MIA2: variants seen among roughly 807,000 people sequenced by gnomAD.
The protein encoded by MIA2 is MIA SH3 domain ER export factor 2.
MIA2 carries 127 observed loss-of-function variants against 167.8 expected under a neutral mutation model. The ratio of observed to expected loss-of-function variants is 0.76; its 90% confidence interval spans 0.66 to 0.88. The LOEUF is 0.88. Ranked by LOEUF, MIA2 falls within the 40% of genes least tolerant of loss-of-function variation. MIA2 has a pLI of 0.00. For missense variants in MIA2, 1,690 were observed against 1,624.7 expected (o/e 1.04, Z -0.69); for synonymous variants, 552 against 541.9 (o/e 1.02, Z -0.26).
At position 39,247,336 on chromosome 14, in the gene MIA2, A is replaced by C. The variant is rs752532321; in HGVS notation, c.762A>C (p.Arg254Ser). ...EPVQESSFRS[R>S]KIAVEDENDL... Reference sequence around the variant, plus strand: ...TACAAGAAAGCTCATTTCGGAGTAGAAAAATAGCAGTGGAAGATGAGAATG... The same window carrying C: ...TACAAGAAAGCTCATTTCGGAGTAGCAAAATAGCAGTGGAAGATGAGAATG... Residue 254 changes from arginine (R) to serine (S), a missense_variant, in exon 4 of 29, where the codon AGA (arginine) becomes AGC (serine). Coordinates refer to ENST00000640607, the MANE Select transcript of MIA2 (RefSeq NM_001329214.4). 5.0e-6 allele frequency: 8 copies of C among 1,614,026 alleles called. No individual in the cohort carries two copies. The Admixed American group carries it at 8.3e-5, about 17-fold the overall frequency.
At chr14:39,261,750 G>A (rs940778329) in intron 6 of MIA2, among the ~76,000 whole-genome samples, 3 of 152,254 alleles carry the variant, frequency 2.0e-5, no homozygotes, top group African/African-American at 7.2e-5. Flanking sequence ...GTGATGATGA[G>A]CATTTTTTCA....
chr14:39,346,401 A>G (rs1042419219), intron 26 of MIA2, among the ~76,000 whole-genome samples: 1 of 152,192 alleles, frequency 6.6e-6, no homozygotes, highest in Non-Finnish European at 1.5e-5. Context: ...AACAATTTAG[A>G]TGCATGCTCT....
At chr14:39,310,662 A>G (rs1004323078) in intron 18 of MIA2, among the ~76,000 whole-genome samples, 5 of 152,202 alleles carry the variant, frequency 3.3e-5, no homozygotes, top group African/African-American at 4.8e-5. Context: ...AACTAGCACA[A>G]ATAATGAGAA....
At chr14:39,361,744 AGT>A (rs1244857522) in intron 23 of MIA2, among the ~76,000 whole-genome samples, 3 of 152,220 alleles carry the variant, frequency 2.0e-5, no homozygotes, top group African/African-American at 7.2e-5. Context: ...CTGGCCTTTT[AGT>A]ACTATATTTG....
intron 25 of MIA2, among the ~76,000 whole-genome samples, chr14:39,338,560 A>G (rs1052159947): frequency 1.3e-5 from 2 of 152,162 alleles, no homozygotes; most frequent in African/African-American, 2.4e-5. Flanking sequence ...TTCTTGAATA[A>G]TGTAAGTGAG....
chr14:39,236,097 G>A (rs1406262651), intron 1 of MIA2, among the ~76,000 whole-genome samples: 4 of 152,088 alleles, frequency 2.6e-5, no homozygotes. Context: ...ATGCATGTAA[G>A]GGAAATCAGA....
intron 11 of MIA2, 144 bp from the exon 12 acceptor site, chr14:39,293,856 A>G (rs2061055054): frequency 1.6e-6 from 1 of 637,970 alleles, no homozygotes; most frequent in Non-Finnish European, 2.8e-6. Context: ...CCCTTTTAGC[A>G]TATGGCTAAA....
chr14:39,245,538 A>AGGT (rs2054261294), intron 3 of MIA2, among the ~76,000 whole-genome samples: 1 of 152,176 alleles, frequency 6.6e-6, no homozygotes, highest in South Asian at 2.1e-4. Context: ...AGCTATAACC[A>AGGT]TATGCTGTGA....
chr14:39,256,689 A>G (rs373279894), intron 6 of MIA2, among the ~76,000 whole-genome samples: 10 of 152,142 alleles, frequency 6.6e-5, no homozygotes, highest in Admixed American at 1.3e-4. Flanking sequence ...AATCAGCACT[A>G]CTGAAAACTG....
At chr14:39,315,541 A>C in intron 20 of MIA2, 142 bp from the exon 21 acceptor site, 1 of 613,972 alleles carries the variant, frequency 1.6e-6, no homozygotes, top group South Asian at 2.0e-5. Context: ...TATACATGAA[A>C]ATTTGCTTTA....
intron 6 of MIA2, among the ~76,000 whole-genome samples, chr14:39,267,826 A>T (rs1051924332): frequency 6.6e-6 from 1 of 152,206 alleles, no homozygotes; most frequent in South Asian, 2.1e-4. Flanking sequence ...CCTTTCCGCT[A>T]TGTTGTTTAT....
intron 25 of MIA2, among the ~76,000 whole-genome samples, chr14:39,337,486 G>C (rs2070716020): frequency 6.6e-6 from 1 of 152,148 alleles, no homozygotes; most frequent in Non-Finnish European, 1.5e-5. Flanking sequence ...GAATACACGT[G>C]TTTTTAAAGT....
chr14:39,288,449 A>ATTTTTTTTT, intron 9 of MIA2, among the ~76,000 whole-genome samples: 1 of 4,368 alleles, frequency 2.3e-4, no homozygotes, highest in Non-Finnish European at 6.9e-4. Flanking sequence ...ATATATATAT[A>ATTTTTTTTT]TATATATATA....
intron 9 of MIA2, among the ~76,000 whole-genome samples, chr14:39,288,468 T>TTTTTG: frequency 2.3e-5 from 1 of 44,172 alleles, no homozygotes; most frequent in South Asian, 7.6e-4. Context: ...TATATATATA[T>TTTTTG]ATATATATTT....
At chr14:39,266,071 A>AT in intron 6 of MIA2, 1 of 985,448 alleles carries the variant, frequency 1.0e-6, no homozygotes, top group South Asian at 4.7e-5. Context: ...TTTAAATGGC[A>AT]TAACAGTTCG....
rs201022280 is a variant in MIA2, at chr14:39,319,190, G to A, written c.3285-19G>A. The A allele has an allele frequency of 3.5e-6, 5 of 1,426,268 alleles. No individual in the cohort carries two copies. Among genetic ancestry groups the A allele is most frequent in the Middle Eastern group, 1.9e-4 (1 of 5,396 alleles). The allele number at this position is 1,426,268 out of a possible 1,614,324, so 88.4% of individuals were successfully genotyped here. On this transcript the variant is annotated intron_variant, in intron 22 of 28. Coordinates refer to ENST00000640607, the MANE Select transcript of MIA2 (RefSeq NM_001329214.4). ...TCTCTTGGATGAGTAACTTAGAGAT[G>A]TTTGTTCTTTATTTGCAGATTAACT...
At chr14:39,238,811 A>AAAAAAAAAAAAACAAAAAAC in intron 2 of MIA2, among the ~76,000 whole-genome samples, 2 of 103,630 alleles carry the variant, frequency 1.9e-5, no homozygotes, top group South Asian at 3.1e-4. Flanking sequence ...AAAAAAAAAA[A>AAAAAAAAAAAAACAAAAAAC]CCCAAAAAAC....
At chr14:39,385,912 C>CT in intron 23 of MIA2, 1 of 864,874 alleles carries the variant, frequency 1.2e-6, no homozygotes, top group Non-Finnish European at 2.0e-6. Flanking sequence ...TCCTCTACCC[C>CT]ATCTTCTTCC....
intron 25 of MIA2, among the ~76,000 whole-genome samples, chr14:39,333,825 T>A (rs1297932375): frequency 6.6e-6 from 1 of 152,182 alleles, no homozygotes; most frequent in Admixed American, 6.5e-5. Context: ...GAACCTGGTC[T>A]CCGTACTTTT....
Sources: gnomAD v4.1 joint callset for allele counts (sites outside exome capture counted in the v4.1 genomes callset) on GRCh38, gnomAD v4.1.1 for gene constraint, MANE v1.5 for transcripts, NCBI Gene and HGNC (gene_info 2026-07-23, HGNC 2026-07-21) for gene names.